Variants in NRP1 observed in about 807,000 individuals in gnomAD.
The protein encoded by NRP1 is neuropilin 1, also known as neuropilin-1.
A neutral mutation model predicts 106.7 loss-of-function variants in NRP1; 35 were observed. That is an observed-to-expected ratio of 0.33 (90% CI 0.25 to 0.43). NRP1 has a LOEUF of 0.43. Among genes scored for constraint, NRP1 ranks in the 20% least tolerant of loss-of-function variants. The pLI, the probability that NRP1 is intolerant of heterozygous loss-of-function variation, is 1.00. For synonymous variants in NRP1, 437 were observed against 417.9 expected, an observed-to-expected ratio of 1.05 and a Z score of -0.56; for missense variants, 1,024 against 1,170.4, an observed-to-expected ratio of 0.87 and a Z score of 1.83.
intron 11 of NRP1, among the ~76,000 whole-genome samples, chr10:33,200,325 T>G (rs1310577372): frequency 6.6e-6 from 1 of 152,188 alleles, no homozygotes; most frequent in Admixed American, 6.5e-5. Context: ...TTCAAAGGCA[T>G]TTGCAAATGA....
Position 33,185,677 on chromosome 10 carries a change from A to T in NRP1, c.2382T>A (p.Ala794=). ...EIGKGNLGGI[A]VDDISINNHI... is the part of the protein sequence containing the mutation. ...GGTTATTAATACTAATGTCATCCAC[A>T]GCAATCCCACCAAGGTTTCCTTTTC... The change falls in exon 15 of 17, where the codon GCT becomes GCA. Residue 794 remains alanine (A), a synonymous_variant. Transcript: ENST00000374867. 1 of 1,614,214 alleles carries T rather than the reference A, an allele frequency of 6.2e-7. No homozygotes were observed. Among genetic ancestry groups the T allele is most frequent in the South Asian group, 1.1e-5 (1 of 91,086 alleles).
intron 2 of NRP1, among the ~76,000 whole-genome samples, chr10:33,299,169 AC>A (rs775325787): frequency 1.3e-5 from 2 of 152,100 alleles, no homozygotes; most frequent in Non-Finnish European, 2.9e-5. Context: ...TGATCTGAAA[AC>A]GATGCTACGC....
intron 16 of NRP1, among the ~76,000 whole-genome samples, chr10:33,182,071 G>A (rs1452763528): frequency 6.6e-6 from 1 of 152,006 alleles, no homozygotes; most frequent in Non-Finnish European, 1.5e-5. Context: ...TCCAAGCCTG[G>A]GTGACAGAGA....
intron 2 of NRP1, among the ~76,000 whole-genome samples, chr10:33,308,911 C>T (rs1287452489): frequency 6.6e-6 from 1 of 151,904 alleles, no homozygotes. Flanking sequence ...AATAAATATA[C>T]ATGCCTTTTT....
intron 12 of NRP1, chr10:33,195,689 G>T: frequency 2.4e-6 from 1 of 417,002 alleles, no homozygotes. Flanking sequence ...GCAATATTCT[G>T]GGCATTGACT....
chr10:33,288,028 TG>T (rs1844706322), intron 2 of NRP1, among the ~76,000 whole-genome samples: 3 of 152,044 alleles, frequency 2.0e-5, no homozygotes, highest in African/African-American at 7.2e-5. Context: ...AACCCAAACT[TG>T]GTAAAGAATG....
intron 8 of NRP1, among the ~76,000 whole-genome samples, chr10:33,214,285 A>T: frequency 6.6e-6 from 1 of 152,098 alleles, no homozygotes; most frequent in African/African-American, 2.4e-5. Flanking sequence ...TTCTAATTGC[A>T]TTGGGGACTT....
At chr10:33,214,882 A>T (rs1361198793) in intron 8 of NRP1, among the ~76,000 whole-genome samples, 1 of 152,214 alleles carries the variant, frequency 6.6e-6, no homozygotes, top group Non-Finnish European at 1.5e-5. Flanking sequence ...AAATTCTGGA[A>T]ATAGTGGTGA....
Position 33,268,058 on chromosome 10 carries a change from T to A in NRP1, c.430+2617A>T, listed in dbSNP as rs191237737. Among the ~76,000 whole-genome samples the A allele has an allele frequency of 7.7e-4, 118 of 152,336 alleles. 1 individual carries two copies. The highest frequency in any genetic ancestry group is 2.6e-3 in the African/African-American group (107 of 41,580). On this transcript the variant is annotated intron_variant, in intron 3 of 16. Coordinates refer to ENST00000374867, the MANE Select transcript of NRP1 (RefSeq NM_003873.7). ...AATTGCTGCATCCTGAAAGAAGTAC[T>A]GTATCTTCAAAAGAATAATGATCCA...
chr10:33,195,674 C>T (rs1203302232), intron 12 of NRP1: 1 of 463,944 alleles, frequency 2.2e-6, no homozygotes. Flanking sequence ...TGCTCAAGTC[C>T]CCATGCAATA....
chr10:33,310,891 T>C (rs1041081254), intron 2 of NRP1, among the ~76,000 whole-genome samples: 14 of 152,218 alleles, frequency 9.2e-5, no homozygotes, highest in African/African-American at 3.4e-4. Flanking sequence ...CAGTTTCTAT[T>C]TATTGTTTCT....
intron 3 of NRP1, among the ~76,000 whole-genome samples, chr10:33,267,757 C>G (rs983348439): frequency 6.6e-6 from 1 of 151,962 alleles, no homozygotes; most frequent in African/African-American, 2.4e-5. Flanking sequence ...GGCTGGTGGC[C>G]CAAAGTTTCA....
intron 6 of NRP1, among the ~76,000 whole-genome samples, chr10:33,253,750 G>A (rs757339953): frequency 5.3e-5 from 8 of 152,184 alleles, no homozygotes; most frequent in Non-Finnish European, 8.8e-5. Flanking sequence ...TCACATTCTC[G>A]GAAGAGTAGT....
chr10:33,333,951 C>T (rs753451341), intron 1 of NRP1, among the ~76,000 whole-genome samples: 1 of 152,146 alleles, frequency 6.6e-6, no homozygotes, highest in South Asian at 2.1e-4. Flanking sequence ...TGTTCATTAA[C>T]TTTCAACAGC....
At chr10:33,303,902 T>G (rs977271536) in intron 2 of NRP1, among the ~76,000 whole-genome samples, 8 of 152,236 alleles carry the variant, frequency 5.3e-5, no homozygotes, top group African/African-American at 1.9e-4. Context: ...GCATATGATA[T>G]ACACTGATAT....
chr10:33,227,665 T>C (rs1839780404), intron 6 of NRP1, among the ~76,000 whole-genome samples: 1 of 152,044 alleles, frequency 6.6e-6, no homozygotes, highest in Non-Finnish European at 1.5e-5. Context: ...CTCACTAGCC[T>C]GTCTCATATC....
At chr10:33,258,685 G>GCAAA (rs1842367148) in intron 4 of NRP1, among the ~76,000 whole-genome samples, 1 of 152,116 alleles carries the variant, frequency 6.6e-6, no homozygotes, top group Non-Finnish European at 1.5e-5. Flanking sequence ...TTCTTCTACA[G>GCAAA]GTAGTGGTTC....
intron 6 of NRP1, among the ~76,000 whole-genome samples, chr10:33,234,158 G>A (rs1276940257): frequency 1.3e-5 from 2 of 152,096 alleles, no homozygotes; most frequent in East Asian, 1.9e-4. Flanking sequence ...CAACCTCTAC[G>A]TGTTAGGCAT....
chr10:33,184,344 C>CAT (rs1272822358), intron 15 of NRP1, among the ~76,000 whole-genome samples: 1 of 152,212 alleles, frequency 6.6e-6, no homozygotes, highest in African/African-American at 2.4e-5. Context: ...GGAGCATCCG[C>CAT]ATGCTGCTTT....
Sources: allele counts gnomAD v4.1 joint callset (sites outside exome capture counted in the v4.1 genomes callset), GRCh38; gene constraint gnomAD v4.1.1; transcripts MANE v1.5; gene names NCBI Gene and HGNC (gene_info 2026-07-23, HGNC 2026-07-21).